LRBA: variants seen among roughly 807,000 people sequenced by gnomAD.
LRBA encodes lipopolysaccharide-responsive and beige-like anchor protein.
Under a neutral mutation model 330.0 loss-of-function variants are expected in LRBA, and 176 were observed. The ratio of observed to expected loss-of-function variants is 0.53; its 90% CI spans 0.47 to 0.60. LRBA has a LOEUF of 0.60. LRBA is among the 20% of genes least tolerant of loss of function. The probability of loss-of-function intolerance (pLI) is 0.00; values close to 1 mark genes in which losing one functional copy is unlikely to be tolerated. For missense variants in LRBA, 3,259 were observed against 3,444.8 expected (o/e 0.95, Z 1.35); for synonymous variants, 1,230 against 1,193.0 (o/e 1.03, Z -0.64).
chr4:150,754,323 T>C (rs1314430182), intron 35 of LRBA, among the ~76,000 whole-genome samples: 1 of 145,416 alleles, frequency 6.9e-6, no homozygotes, highest in African/African-American at 2.8e-5. Flanking sequence ...TGATAAGCCA[T>C]TAAACCTTCA....
At chr4:150,469,682 A>G (rs914050300) in intron 43 of LRBA, among the ~76,000 whole-genome samples, 11 of 151,992 alleles carry the variant, frequency 7.2e-5, no homozygotes, top group Non-Finnish European at 1.3e-4. Context: ...TTTCAATGTG[A>G]GCCCCTCAAC....
rs928791702 is a variant in LRBA at position 150,444,092 on chromosome 4, C to T, written c.6781-7228G>A. On this transcript the variant is annotated intron_variant, in intron 44 of 56. Coordinates refer to ENST00000651943, the MANE Select transcript of LRBA (RefSeq NM_001364905.1). ...ATCACCTTAGAAGAAGGCATCAAAA[C>T]CGAATTTTTTTAAAAAGCGTATTTT... 4.0e-5 allele frequency among the ~76,000 whole-genome samples: 6 copies of T among 151,668 alleles called. No homozygotes were observed. In the South Asian group the frequency reaches 1.3e-3, roughly 32 times the overall value.
intron 8 of LRBA, among the ~76,000 whole-genome samples, chr4:150,914,648 G>C (rs899876888): frequency 6.6e-6 from 1 of 152,034 alleles, no homozygotes; most frequent in Non-Finnish European, 1.5e-5. Flanking sequence ...GTAAAATGAA[G>C]ATTATAATAA....
At chr4:150,913,341 C>A (rs1239624837) in intron 9 of LRBA, among the ~76,000 whole-genome samples, 1 of 152,156 alleles carries the variant, frequency 6.6e-6, no homozygotes, top group Non-Finnish European at 1.5e-5. Context: ...GTGCCACATG[C>A]CTGTAATCCC....
At chr4:150,844,830 A>G (rs1314080472) in intron 26 of LRBA, 51 bp from the exon 27 acceptor site, 1 of 1,478,864 alleles carries the variant, frequency 6.8e-7, no homozygotes, top group Non-Finnish European at 9.4e-7. Flanking sequence ...AATATTTAAG[A>G]TTATGGAAGT....
intron 40 of LRBA, among the ~76,000 whole-genome samples, chr4:150,533,049 G>A (rs1421879460): frequency 1.3e-5 from 2 of 151,958 alleles, no homozygotes; most frequent in Admixed American, 6.6e-5. Context: ...GATAATCAAG[G>A]CTTATTGTCT....
rs1741799566 is a variant in LRBA, at chr4:150,989,220, G to A, written c.216+25207C>T. On this transcript the variant is annotated intron_variant, in intron 2 of 56. Transcript: ENST00000651943. ...GGGGTTTCGCCATGTTGGCCAGGCTGGTCTCAAACTCCCGATCTGAAGTGA... is the reference window on the plus strand; with the variant it reads ...GGGGTTTCGCCATGTTGGCCAGGCTAGTCTCAAACTCCCGATCTGAAGTGA... Among the ~76,000 whole-genome samples the A allele has an allele frequency of 2.0e-5, 3 of 151,312 alleles. No homozygotes were observed. The South Asian group carries it at 6.3e-4, about 32-fold the overall frequency.
chr4:150,584,590 C>A (rs1163523796), intron 40 of LRBA: 1 of 166,088 alleles, frequency 6.0e-6, no homozygotes, highest in Non-Finnish European at 1.5e-5. Flanking sequence ...GTTAAACGTT[C>A]TCAGTGCCAA....
At chr4:150,347,645 CAAA>C (rs57952007) in intron 48 of LRBA, among the ~76,000 whole-genome samples, 55,390 of 133,906 alleles carry the variant, frequency 0.41, 10,696 homozygotes, top group Non-Finnish European at 0.49. Context: ...GACTCTGTCT[CAAA>C]AAAAAAAAAA....
chr4:150,703,292 C>G (rs111499455), intron 36 of LRBA, among the ~76,000 whole-genome samples: 61 of 152,258 alleles, frequency 4.0e-4, no homozygotes, highest in African/African-American at 1.4e-3. Context: ...AGGATACAAA[C>G]AGAAGGTAAT....
At chr4:150,396,480 T>TCACACACACACACA (rs10641158) in intron 47 of LRBA, among the ~76,000 whole-genome samples, 13,535 of 145,654 alleles carry the variant, frequency 0.093, 807 homozygotes, top group Non-Finnish European at 0.14. Context: ...AAATCTCATC[T>TCACACACACACACA]CACACACACA....
In LRBA at chr4:150,693,305, T is replaced by C. The variant is rs187504353; in HGVS notation, c.5755-9588A>G. Among the ~76,000 whole-genome samples the C allele has an allele frequency of 4.3e-4, 66 of 152,284 alleles. 1 individual carries two copies. In the East Asian group the frequency reaches 0.012, roughly 27 times the overall value. ...AGGGCCGGGCGCGGTGGCTCACGCCTGTAATCCCAGCACTTTGGGAGGCCG... is the reference window on the plus strand; with the variant it reads ...AGGGCCGGGCGCGGTGGCTCACGCCCGTAATCCCAGCACTTTGGGAGGCCG... On this transcript the variant is annotated intron_variant, in intron 36 of 56. Transcript: ENST00000651943.
chr4:150,502,879 T>TA (rs1038861499), intron 40 of LRBA, among the ~76,000 whole-genome samples: 5 of 152,194 alleles, frequency 3.3e-5, no homozygotes, highest in African/African-American at 9.6e-5. Flanking sequence ...CCAACGGGCT[T>TA]AAAAAATGGC....
intron 51 of LRBA, 89 bp from the exon 52 acceptor site, chr4:150,310,473 T>C (rs531393712): frequency 1.3e-6 from 1 of 787,420 alleles, no homozygotes; most frequent in African/African-American, 1.7e-5. Flanking sequence ...CATTCCCAGA[T>C]AAGAGTACTT....
intron 47 of LRBA, among the ~76,000 whole-genome samples, chr4:150,392,936 C>A (rs755785006): frequency 6.6e-6 from 1 of 151,614 alleles, no homozygotes; most frequent in Non-Finnish European, 1.5e-5. Flanking sequence ...TTAAAAGGTG[C>A]AGCGAACCAC....
chr4:150,718,458 T>C (rs956072936), intron 36 of LRBA, among the ~76,000 whole-genome samples: 2 of 149,588 alleles, frequency 1.3e-5, no homozygotes. Context: ...AGATATAAGC[T>C]GTCTCAAAAA....
At chr4:150,377,855 T>A (rs2055687) in intron 47 of LRBA, among the ~76,000 whole-genome samples, 74,715 of 151,302 alleles carry the variant, frequency 0.49, 18,438 homozygotes, top group East Asian at 0.55. Context: ...GGCATGGTGG[T>A]AGGCACCTGT....
intron 44 of LRBA, among the ~76,000 whole-genome samples, chr4:150,452,186 C>T (rs1394342622): frequency 6.6e-6 from 1 of 152,058 alleles, no homozygotes; most frequent in African/African-American, 2.4e-5. Flanking sequence ...GGGATCCAGC[C>T]ATTTATTAAA....
intron 4 of LRBA, 102 bp downstream of exon 4, chr4:150,928,414 G>T: frequency 1.4e-6 from 1 of 697,538 alleles, no homozygotes; most frequent in South Asian, 2.0e-5. Flanking sequence ...TATTCAATTT[G>T]ACAATTATCC....
Sources: gnomAD v4.1 joint callset for allele counts (sites outside exome capture counted in the v4.1 genomes callset) on GRCh38, gnomAD v4.1.1 for gene constraint, MANE v1.5 for transcripts, NCBI Gene and HGNC (gene_info 2026-07-23, HGNC 2026-07-21) for gene names.